The following RUNDC3B variants were observed in gnomAD, a reference collection of about 807,000 sequenced individuals.
The protein encoded by RUNDC3B is RUN domain containing 3B, also known as RUN domain-containing protein 3B.
RUNDC3B carries 33 observed loss-of-function variants against 58.4 expected under a neutral mutation model. The ratio of observed to expected loss-of-function variants is 0.56; its 90% CI spans 0.43 to 0.75. The LOEUF is 0.75. RUNDC3B is among the 30% of genes least tolerant of loss of function. The probability of loss-of-function intolerance (pLI) is 0.00; values close to 1 mark genes in which losing one functional copy is unlikely to be tolerated. For synonymous variants in RUNDC3B, 193 were observed against 195.2 expected (o/e 0.99, Z 0.10); for missense variants, 501 against 535.7 (o/e 0.94, Z 0.64).
intron 2 of RUNDC3B, among the ~76,000 whole-genome samples, chr7:87,678,717 G>A (rs949803044): frequency 6.6e-6 from 1 of 152,000 alleles, no homozygotes; most frequent in African/African-American, 2.4e-5. Context: ...GATAAAGATA[G>A]GTTAAAAGGA....
At chr7:87,721,281 G>A (rs1445004738) in intron 4 of RUNDC3B, among the ~76,000 whole-genome samples, 1 of 151,906 alleles carries the variant, frequency 6.6e-6, no homozygotes, top group African/African-American at 2.4e-5. Context: ...TCAAAAGTGG[G>A]AATACTAAGC....
At chr7:87,803,401 T>G (rs1413765509) in intron 8 of RUNDC3B, among the ~76,000 whole-genome samples, 2 of 152,206 alleles carry the variant, frequency 1.3e-5, no homozygotes, top group African/African-American at 4.8e-5. Flanking sequence ...TGAGGATATA[T>G]TTATAGATCA....
At chr7:87,739,928 A>G (rs771795511) in intron 5 of RUNDC3B, 48 bp downstream of exon 5, 4 of 853,974 alleles carry the variant, frequency 4.7e-6, no homozygotes, top group Non-Finnish European at 5.5e-6. Context: ...ATATCTTAAT[A>G]GTTTCTACTT....
chr7:87,792,994 C>G (rs1835609286), intron 8 of RUNDC3B, among the ~76,000 whole-genome samples: 1 of 151,840 alleles, frequency 6.6e-6, no homozygotes, highest in Non-Finnish European at 1.5e-5. Flanking sequence ...TAAATAAAAT[C>G]AGAGATTAAA....
chr7:87,778,022 A>C, intron 8 of RUNDC3B, 67 bp downstream of exon 8: 1 of 1,362,594 alleles, frequency 7.3e-7, no homozygotes, highest in Admixed American at 2.3e-5. Context: ...TCGTGTTTTG[A>C]TACAGGAGGC....
Position 87,807,542 on chromosome 7 carries a change from C to A in RUNDC3B, c.1103+23C>A, listed in dbSNP as rs929963050. 4 of 1,584,534 alleles carry A rather than the reference C, an allele frequency of 2.5e-6. No homozygotes were observed. The Admixed American group carries it at 6.7e-5, about 26-fold the overall frequency. ...TGAGTAAGTGTAATACTTTTTTTTC[C>A]AACTAATTAATAGTTAGTTGTACCA... On this transcript the variant is annotated intron_variant, in intron 9 of 10. Coordinates refer to ENST00000394654, the MANE Select transcript of RUNDC3B (RefSeq NM_001134405.2).
intron 6 of RUNDC3B, 48 bp downstream of exon 6, chr7:87,741,627 A>G: frequency 9.3e-7 from 1 of 1,080,748 alleles, no homozygotes; most frequent in East Asian, 2.6e-5. Context: ...TTTAAAATTG[A>G]ATGTCTTGTG....
At chr7:87,645,816 T>C (rs1424876502) in intron 1 of RUNDC3B, among the ~76,000 whole-genome samples, 1 of 152,168 alleles carries the variant, frequency 6.6e-6, no homozygotes, top group Non-Finnish European at 1.5e-5. Context: ...GAAGTGAGTA[T>C]TGAGTGGGAA....
chr7:87,629,703 G>C (rs914640413), intron 1 of RUNDC3B, among the ~76,000 whole-genome samples: 5 of 151,960 alleles, frequency 3.3e-5, no homozygotes, highest in Non-Finnish European at 7.4e-5. Flanking sequence ...TGAGGCGGGC[G>C]GATCACGAGG....
At chr7:87,810,240 AG>A (rs1310015382) in intron 9 of RUNDC3B, among the ~76,000 whole-genome samples, 3 of 152,242 alleles carry the variant, frequency 2.0e-5, no homozygotes, top group Non-Finnish European at 4.4e-5. Flanking sequence ...GGCAACGTTC[AG>A]AACCAGAAAA....
chr7:87,737,037 G>A (rs1227116621), intron 4 of RUNDC3B, among the ~76,000 whole-genome samples: 5 of 149,592 alleles, frequency 3.3e-5, no homozygotes, highest in African/African-American at 7.4e-5. Flanking sequence ...AGCTGGGACT[G>A]CAGGCATGTG....
rs1270740181 is a variant in RUNDC3B at position 87,831,457 on chromosome 7, A to C, written c.*1427A>C. On this transcript the variant is annotated 3_prime_UTR_variant, in exon 11 of 11. Coordinates refer to ENST00000394654, the MANE Select transcript of RUNDC3B (RefSeq NM_001134405.2). ...GGCAAGTCTTTTATGTAAGACAGTC[A>C]AACAGTGTCACTTCAGGGACAAAGG... The C allele has an allele frequency of 6.6e-6, 1 of 151,972 alleles. No homozygotes were observed. Among genetic ancestry groups the C allele is most frequent in the Non-Finnish European group, 1.5e-5 (1 of 67,888 alleles). The allele number at this position is 151,972 out of a possible 1,614,324, so 9.4% of individuals were successfully genotyped here. A position where few individuals can be genotyped will look rare whatever the true frequency, so the allele number is the denominator to read the frequency against.
At chr7:87,726,684 G>T (rs1027823318) in intron 4 of RUNDC3B, among the ~76,000 whole-genome samples, 1 of 152,154 alleles carries the variant, frequency 6.6e-6, no homozygotes, top group Non-Finnish European at 1.5e-5. Context: ...ACCTTGGGCT[G>T]TATGGCCATT....
intron 6 of RUNDC3B, among the ~76,000 whole-genome samples, chr7:87,746,502 G>C (rs1832651269): frequency 6.6e-6 from 1 of 152,056 alleles, no homozygotes; most frequent in African/African-American, 2.4e-5. Flanking sequence ...TCCAGTGTTT[G>C]GTGCTTATAC....
chr7:87,779,103 G>T (rs550531504), intron 8 of RUNDC3B, among the ~76,000 whole-genome samples: 24 of 152,134 alleles, frequency 1.6e-4, no homozygotes, highest in African/African-American at 5.8e-4. Flanking sequence ...TCATTCTTAA[G>T]AACTAAAATG....
At chr7:87,664,035 A>G (rs1386865126) in intron 2 of RUNDC3B, among the ~76,000 whole-genome samples, 1 of 152,178 alleles carries the variant, frequency 6.6e-6, no homozygotes, top group Non-Finnish European at 1.5e-5. Flanking sequence ...TGAATTTTGG[A>G]GGCATGCAAT....
rs201345739 is a variant in RUNDC3B at position 87,628,853 on chromosome 7, C to T, written c.30C>T (p.Ser10=). Residue 10 remains serine, a synonymous_variant, in exon 1 of 11, where the codon AGC becomes AGT. Transcript: ENST00000394654. MASRSLGGL[S]GIRGGGGGGG... ...CCTCCCGGAGCCTGGGGGGCCTGAG[C>T]GGGATCCGCGGCGGTGGCGGCGGAG... is the stretch of plus-strand genomic sequence containing the variant. 326 of 1,272,248 alleles carry T rather than the reference C, an allele frequency of 2.6e-4. 2 individuals carry two copies. The African/African-American group carries it at 4.4e-3, about 17-fold the overall frequency. 78.8% of individuals were successfully genotyped at this position (1,272,248 alleles called of 1,614,324 possible).
chr7:87,741,618 T>C (rs200330699), intron 6 of RUNDC3B, 39 bp downstream of exon 6: 46 of 1,187,046 alleles, frequency 3.9e-5, no homozygotes, highest in Admixed American at 7.8e-5. Flanking sequence ...AAAATCTTAT[T>C]TAAAATTGAA....
In RUNDC3B at chr7:87,675,530, G is replaced by T. The variant is rs532058545; in HGVS notation, c.238+24593G>T. Among the ~76,000 whole-genome samples, 11 of 150,820 alleles carry T rather than the reference G, an allele frequency of 7.3e-5. 1 individual carries two copies. In the South Asian group the frequency reaches 2.1e-3, roughly 29 times the overall value. ...ACATAGACCAATGGAACAAAGTAGA[G>T]AACCCAGAAATTAATGTATGCATAT... On this transcript the variant is annotated intron_variant, in intron 2 of 10. Coordinates refer to ENST00000394654, the MANE Select transcript of RUNDC3B (RefSeq NM_001134405.2).
Sources: allele counts gnomAD v4.1 joint callset (sites outside exome capture counted in the v4.1 genomes callset), GRCh38; gene constraint gnomAD v4.1.1; transcripts MANE v1.5; gene names NCBI Gene and HGNC (gene_info 2026-07-23, HGNC 2026-07-21).